The following IGFL2 variants were observed in gnomAD, a reference collection of about 807,000 sequenced individuals.
IGFL2 encodes insulin growth factor-like family member 2.
Under a neutral mutation model 13.9 loss-of-function variants are expected in IGFL2, and 7 were observed. That is an observed-to-expected ratio of 0.51 (90% confidence interval 0.29 to 0.95). IGFL2 has a LOEUF of 0.95. IGFL2 is among the 40% of genes least tolerant of loss of function. The pLI, the probability that IGFL2 is intolerant of heterozygous loss-of-function variation, is 0.08. For missense variants in IGFL2, 138 were observed against 147.8 expected (o/e 0.93, Z 0.34); for synonymous variants, 55 against 55.8 (o/e 0.99, Z 0.07).
At chr19:46,115,156 A>T in the IGFL2 span, among the ~76,000 whole-genome samples, 2 of 152,262 alleles carry the variant, frequency 1.3e-5, no homozygotes, top group Non-Finnish European at 2.9e-5. Context: ...TATGTGTATG[A>T]AATACCTAAC....
At chr19:46,155,309 G>A (rs1055472280) in intron 1 of IGFL2, among the ~76,000 whole-genome samples, 1 of 152,198 alleles carries the variant, frequency 6.6e-6, no homozygotes, top group African/African-American at 2.4e-5. Context: ...CCTAGGCTGG[G>A]AGCTGGGGAG....
the IGFL2 span, among the ~76,000 whole-genome samples, chr19:46,188,420 C>A: frequency 1.3e-5 from 2 of 152,162 alleles, no homozygotes; most frequent in South Asian, 2.1e-4. Flanking sequence ...GACCGCCCCC[C>A]CCACTCTCCT....
chr19:46,197,787 C>A, the IGFL2 span, among the ~76,000 whole-genome samples: 4 of 152,080 alleles, frequency 2.6e-5, no homozygotes, highest in South Asian at 8.3e-4. Flanking sequence ...CCTCCTCATC[C>A]TCCCAAAGTC....
At chr19:46,136,177 G>A in the IGFL2 span, among the ~76,000 whole-genome samples, 6 of 152,102 alleles carry the variant, frequency 3.9e-5, no homozygotes, top group African/African-American at 1.4e-4. Flanking sequence ...ATCCTCAAAT[G>A]TGTTTTCCAG....
chr19:46,105,064 A>C, the IGFL2 span, among the ~76,000 whole-genome samples: 9 of 152,188 alleles, frequency 5.9e-5, no homozygotes, highest in Non-Finnish European at 1.2e-4. Flanking sequence ...TGCCCTAAGC[A>C]ATGGGATCTG....
the IGFL2 span, chr19:46,137,471 G>A: frequency 9.1e-7 from 1 of 1,096,558 alleles, no homozygotes; most frequent in Non-Finnish European, 1.4e-6. Context: ...AATCTGCACA[G>A]ACTCCTTGGG....
chr19:46,123,538 T>G, the IGFL2 span, among the ~76,000 whole-genome samples: 5 of 150,888 alleles, frequency 3.3e-5, 2 homozygotes, highest in African/African-American at 1.2e-4. Context: ...TATTATAAGC[T>G]TCTTCAGAGA....
intron 1 of IGFL2, among the ~76,000 whole-genome samples, chr19:46,158,806 C>T (rs1241235410): frequency 1.3e-5 from 2 of 152,068 alleles, no homozygotes; most frequent in East Asian, 3.9e-4. Flanking sequence ...AGAGCCCTCC[C>T]TAAGGTTACT....
chr19:46,115,547 C>T, the IGFL2 span, among the ~76,000 whole-genome samples: 102 of 152,174 alleles, frequency 6.7e-4, no homozygotes, highest in Middle Eastern at 6.8e-3. Flanking sequence ...GGTAGCTATG[C>T]AGACCCAAGC....
intron 1 of IGFL2, among the ~76,000 whole-genome samples, chr19:46,153,124 GT>G (rs528929701): frequency 6.6e-5 from 10 of 152,132 alleles, no homozygotes; most frequent in African/African-American, 2.4e-4. Flanking sequence ...TTGGTCTGTA[GT>G]TTTTTTTCCT....
chr19:46,121,778 ACAG>A, the IGFL2 span, among the ~76,000 whole-genome samples: 2 of 150,948 alleles, frequency 1.3e-5, no homozygotes, highest in Non-Finnish European at 2.9e-5. Flanking sequence ...CAAAGGCAAA[ACAG>A]CAAGTGCGGA....
the IGFL2 span, among the ~76,000 whole-genome samples, chr19:46,201,106 A>G: frequency 6.6e-6 from 1 of 152,224 alleles, no homozygotes; most frequent in African/African-American, 2.4e-5. Flanking sequence ...AGCAATGGAG[A>G]AGGAGAACAC....
intron 1 of IGFL2, among the ~76,000 whole-genome samples, chr19:46,151,475 C>T (rs1448993135): frequency 6.6e-6 from 1 of 152,186 alleles, no homozygotes; most frequent in Non-Finnish European, 1.5e-5. Flanking sequence ...TGTGTGTCAG[C>T]TCCTACACTG....
chr19:46,188,352 T>C, the IGFL2 span, among the ~76,000 whole-genome samples: 1 of 152,232 alleles, frequency 6.6e-6, no homozygotes, highest in East Asian at 1.9e-4. Flanking sequence ...TCTTGCTGTT[T>C]GCACATGATC....
At chr19:46,204,671 G>C in the IGFL2 span, 2 of 152,320 alleles carry the variant, frequency 1.3e-5, no homozygotes, top group Non-Finnish European at 1.5e-5. Context: ...TTTGATATGG[G>C]GTTTTAGCAG....
At chr19:46,149,716 C>A (rs1973370114) in intron 1 of IGFL2, among the ~76,000 whole-genome samples, 1 of 151,996 alleles carries the variant, frequency 6.6e-6, no homozygotes, top group Non-Finnish European at 1.5e-5. Context: ...TACTTCATTC[C>A]TTTTTACAAC....
the IGFL2 span, among the ~76,000 whole-genome samples, chr19:46,191,441 A>G: frequency 6.6e-6 from 1 of 152,164 alleles, no homozygotes. Flanking sequence ...GGAAGTGAGG[A>G]TGAGGATGAA....
At chr19:46,198,399 C>T in the IGFL2 span, 3 of 152,234 alleles carry the variant, frequency 2.0e-5, no homozygotes, top group East Asian at 5.8e-4. Context: ...CAGGCATGAG[C>T]CACCATACCT....
At chr19:46,099,949 T>A in the IGFL2 span, among the ~76,000 whole-genome samples, 1 of 152,220 alleles carries the variant, frequency 6.6e-6, no homozygotes. Context: ...ACGAAGTTCT[T>A]GTGCTGTGTT....
Sources: gnomAD v4.1 joint callset for allele counts (sites outside exome capture counted in the v4.1 genomes callset) on GRCh38, gnomAD v4.1.1 for gene constraint, MANE v1.5 for transcripts, NCBI Gene and HGNC (gene_info 2026-07-23, HGNC 2026-07-21) for gene names.